MAST4: variants seen among roughly 807,000 people sequenced by gnomAD.
MAST4 encodes microtubule associated serine/threonine kinase family member 4, also known as microtubule-associated serine/threonine-protein kinase 4.
Under a neutral mutation model 162.7 loss-of-function variants are expected in MAST4, and 89 were observed. The ratio of observed to expected loss-of-function variants is 0.55; its 90% CI spans 0.46 to 0.65. MAST4 has a LOEUF of 0.65. Ranked by LOEUF, MAST4 falls within the 30% of genes least tolerant of loss-of-function variation. The probability of loss-of-function intolerance (pLI) is 0.00; values close to 1 mark genes in which losing one functional copy is unlikely to be tolerated. For synonymous variants in MAST4, 1,479 were observed against 1,361.1 expected (o/e 1.09, Z -1.91); for missense variants, 3,153 against 3,374.0 (o/e 0.93, Z 1.62).
At chr5:66,652,658 A>AT (rs914785511) in intron 1 of MAST4, among the ~76,000 whole-genome samples, 26 of 151,594 alleles carry the variant, frequency 1.7e-4, no homozygotes, top group African/African-American at 5.8e-4. Context: ...CGTTTTCCTA[A>AT]TTTTTTTTTG....
At chr5:66,844,471 C>T (rs768384158) in intron 3 of MAST4, among the ~76,000 whole-genome samples, 13 of 152,014 alleles carry the variant, frequency 8.6e-5, no homozygotes, top group East Asian at 1.9e-4. Context: ...TTGTGATCTA[C>T]GGGAAGTGTT....
chr5:66,603,061 T>A (rs1351626415), intron 1 of MAST4, among the ~76,000 whole-genome samples: 2 of 152,204 alleles, frequency 1.3e-5, no homozygotes, highest in Non-Finnish European at 2.9e-5. Context: ...ATTGGTACCA[T>A]CAGCACCATA....
At chr5:67,015,751 C>G (rs867471836) in intron 4 of MAST4, among the ~76,000 whole-genome samples, 1 of 152,116 alleles carries the variant, frequency 6.6e-6, no homozygotes, top group African/African-American at 2.4e-5. Context: ...GACGATTAAC[C>G]TCTGAAACAT....
At chr5:67,084,800 G>A (rs1354855998) in intron 5 of MAST4, among the ~76,000 whole-genome samples, 1 of 151,992 alleles carries the variant, frequency 6.6e-6, no homozygotes, top group Non-Finnish European at 1.5e-5. Context: ...ATTTTACTTA[G>A]CATTGTTGAC....
rs200867949 is a variant in MAST4 at position 67,069,881 on chromosome 5, AGTGT to A, written c.763+15424_763+15427del. On this transcript the variant is annotated intron_variant, in intron 5 of 28. Transcript: ENST00000403625. Reference sequence around the variant, plus strand: ...CGTAGTTTCGAAGGCTTTGAGAGAAAGTGTGTGTGTGTGTGTGTGTGTGTGTGTG... The same window carrying A: ...CGTAGTTTCGAAGGCTTTGAGAGAAAGTGTGTGTGTGTGTGTGTGTGTGTG... Among the ~76,000 whole-genome samples the A allele has an allele frequency of 7.4e-3, 1,055 of 142,742 alleles. 13 individuals are homozygous for A. The highest frequency in any genetic ancestry group is 0.024 in the African/African-American group (918 of 38,138). The allele number at this position is 142,742 out of a possible 152,430, so 93.6% of individuals were successfully genotyped here.
intron 3 of MAST4, among the ~76,000 whole-genome samples, chr5:66,848,193 T>G (rs1462964400): frequency 6.6e-6 from 1 of 152,222 alleles, no homozygotes; most frequent in East Asian, 1.9e-4. Context: ...CAAAGTAAAT[T>G]TAGTGTATCC....
intron 4 of MAST4, among the ~76,000 whole-genome samples, chr5:67,047,156 G>A (rs558787805): frequency 2.6e-5 from 4 of 152,234 alleles, no homozygotes; most frequent in Non-Finnish European, 5.9e-5. Flanking sequence ...CAGGCTATAA[G>A]AGTCCATTCA....
At position 66,829,881 on chromosome 5, in the gene MAST4, G is replaced by A. The variant is rs527833695; in HGVS notation, c.642+41087G>A. Among the ~76,000 whole-genome samples, 7 of 152,042 alleles carry A rather than the reference G, an allele frequency of 4.6e-5. No individual in the cohort carries two copies. In the South Asian group the frequency reaches 1.5e-3, roughly 32 times the overall value. On this transcript the variant is annotated intron_variant, in intron 3 of 28. Transcript: ENST00000403625. ...AATATAGGCAACGAAAGGATTATTT[G>A]CAGCTAAACAAAAGAGGGATTAGAG...
intron 2 of MAST4, among the ~76,000 whole-genome samples, chr5:66,763,400 C>T (rs1309360463): frequency 6.6e-6 from 1 of 152,028 alleles, no homozygotes; most frequent in Non-Finnish European, 1.5e-5. Flanking sequence ...ACACATTGGT[C>T]GACCCAGAAA....
chr5:67,131,833 A>T lies in MAST4; in HGVS notation c.1975A>T (p.Met659Leu), dbSNP rs56013433. The T allele has an allele frequency of 6.2e-7, 1 of 1,613,122 alleles. No homozygotes were observed. The highest frequency in any genetic ancestry group is 2.2e-5 in the East Asian group (1 of 44,842). ...YVEGGDCATL[M>L]KNMGPLPVDM... ...TACAGGGGGAGACTGTGCTACTTTAATGAAAAACATGGGTCCTCTCCCTGT... is the reference window on the plus strand; with the variant it reads ...TACAGGGGGAGACTGTGCTACTTTATTGAAAAACATGGGTCCTCTCCCTGT... Residue 659 changes from methionine (M) to leucine (L), a missense_variant, in exon 16 of 29, where the codon ATG (methionine) becomes TTG (leucine). Physicochemically the swap from Met to Leu is conservative, Grantham distance 15. This residue lies in a region of MAST4 where 131 missense variants were observed against 253.8 expected (regional missense o/e 0.52). Transcript: ENST00000403625.
At chr5:66,620,373 T>G (rs1228762628) in intron 1 of MAST4, among the ~76,000 whole-genome samples, 1 of 152,192 alleles carries the variant, frequency 6.6e-6, no homozygotes, top group Non-Finnish European at 1.5e-5. Flanking sequence ...CAATACAGTT[T>G]TAAATTTTTC....
chr5:67,097,004 G>A (rs1305153034), intron 7 of MAST4, among the ~76,000 whole-genome samples: 7 of 152,086 alleles, frequency 4.6e-5, no homozygotes, highest in African/African-American at 7.2e-5. Flanking sequence ...GTGGTTATTG[G>A]CCAATATTTT....
At chr5:67,129,444 G>A (rs1768661977) in intron 14 of MAST4, among the ~76,000 whole-genome samples, 2 of 152,090 alleles carry the variant, frequency 1.3e-5, no homozygotes, top group Middle Eastern at 3.2e-3. Flanking sequence ...TAGGGTCCAG[G>A]CATGGTGGCT....
chr5:67,115,743 G>T (rs1766819350), intron 12 of MAST4, among the ~76,000 whole-genome samples: 1 of 152,154 alleles, frequency 6.6e-6, no homozygotes, highest in Non-Finnish European at 1.5e-5. Flanking sequence ...ACAAAATGAT[G>T]CCTTAGCTTC....
intron 23 of MAST4, 134 bp downstream of exon 23, chr5:67,145,513 T>G: frequency 2.9e-6 from 2 of 687,416 alleles, no homozygotes; most frequent in Non-Finnish European, 4.9e-6. Flanking sequence ...ATGGCCTCAG[T>G]CCTTAGGCTT....
chr5:67,049,033 A>ATATACACG, intron 4 of MAST4, among the ~76,000 whole-genome samples: 1 of 115,198 alleles, frequency 8.7e-6, no homozygotes, highest in African/African-American at 3.6e-5. Context: ...GTATATATAT[A>ATATACACG]TATATATACG....
At chr5:66,759,591 G>A in intron 1 of MAST4, 118 bp from the exon 2 acceptor site, 1 of 1,299,642 alleles carries the variant, frequency 7.7e-7, no homozygotes, top group Non-Finnish European at 1.1e-6. Context: ...TGAACACAGT[G>A]TTGGGAGAAT....
chr5:66,959,185 A>G (rs1252582490), intron 4 of MAST4: 19 of 778,798 alleles, frequency 2.4e-5, no homozygotes, highest in Admixed American at 1.7e-5. Context: ...CTCTGTCATC[A>G]CCGGGACGCT....
chr5:66,658,163 A>T (rs1746672615), intron 1 of MAST4, among the ~76,000 whole-genome samples: 1 of 152,232 alleles, frequency 6.6e-6, no homozygotes, highest in Non-Finnish European at 1.5e-5. Context: ...GAGCTGAGGA[A>T]TAGGAATAAT....
Sources: gnomAD v4.1 joint callset for allele counts (sites outside exome capture counted in the v4.1 genomes callset) on GRCh38, gnomAD v4.1.1 for gene constraint, gnomAD v4.1.1 regional missense constraint, MANE v1.5 for transcripts, NCBI Gene and HGNC (gene_info 2026-07-23, HGNC 2026-07-21) for gene names.